The following GRIK1 variants were observed in gnomAD, a reference collection of about 807,000 sequenced individuals.
GRIK1 encodes glutamate ionotropic receptor kainate type subunit 1, also known as glutamate receptor ionotropic, kainate 1.
A neutral mutation model predicts 105.7 loss-of-function variants in GRIK1; 69 were observed. The observed-to-expected ratio is 0.65, with a 90% CI of 0.54 to 0.80. The LOEUF (loss-of-function observed/expected upper bound fraction) is 0.80, where lower values mean the gene tolerates loss of function less well. Among genes scored for constraint, GRIK1 ranks in the 30% least tolerant of loss-of-function variants. GRIK1 has a pLI of 0.00. For synonymous variants in GRIK1, 438 were observed against 431.3 expected, an observed-to-expected ratio of 1.02 and a Z score of -0.19; for missense variants, 1,109 against 1,167.3, an observed-to-expected ratio of 0.95 and a Z score of 0.73.
intron 1 of GRIK1, among the ~76,000 whole-genome samples, chr21:29,720,455 GAAGTT>G (rs1230044078): frequency 1.3e-5 from 2 of 152,130 alleles, no homozygotes; most frequent in African/African-American, 2.4e-5. Flanking sequence ...TTGTTCGTTT[GAAGTT>G]AAGTGATAGA....
intron 1 of GRIK1, among the ~76,000 whole-genome samples, chr21:29,759,516 G>A (rs563012724): frequency 6.6e-6 from 1 of 152,178 alleles, no homozygotes; most frequent in Non-Finnish European, 1.5e-5. Flanking sequence ...GCCTGGCACA[G>A]CAGTATTTAT....
chr21:29,855,771 G>C (rs754958577), intron 1 of GRIK1, among the ~76,000 whole-genome samples: 1 of 152,168 alleles, frequency 6.6e-6, no homozygotes, highest in Non-Finnish European at 1.5e-5. Context: ...ACCCAGATGA[G>C]AGGATGGTGA....
chr21:29,556,026 T>G (rs2090245535), intron 15 of GRIK1, among the ~76,000 whole-genome samples: 1 of 152,184 alleles, frequency 6.6e-6, no homozygotes, highest in South Asian at 2.1e-4. Context: ...TTCAGTAACT[T>G]TCTCCAGAGA....
In GRIK1 at chr21:29,537,369, G is replaced by A. The variant is rs781133855; in HGVS notation, c.2711C>T (p.Ala904Val). Residue 904 changes from alanine (A) to valine (V), a missense_variant, in exon 18 of 18, where the codon GCT becomes GTT. Physicochemically the swap from Ala to Val is moderately conservative, Grantham distance 64 (BLOSUM62 0). Around this residue, in one of 5 missense-constraint regions of GRIK1, gnomAD observed 161 missense variants for 143.4 expected, o/e 1.12. Transcript: ENST00000327783. ...TGAGATTCCCAGTTCTTCCATGATAGCGTTGAAAGAGAGACACTAGGGAAC... is the reference window on the plus strand; with the variant it reads ...TGAGATTCCCAGTTCTTCCATGATAACGTTGAAAGAGAGACACTAGGGAAC... ...LGVEKCLSFN[A>V]IMEELGISLK... The A allele has an allele frequency of 4.8e-5, 78 of 1,610,102 alleles. No homozygotes were observed. The highest frequency in any genetic ancestry group is 6.4e-5 in the Non-Finnish European group (75 of 1,177,916).
rs116942207 is a variant in GRIK1 at position 29,670,106 on chromosome 21, G to A, written c.726+2877C>T. Among the ~76,000 whole-genome samples the A allele has an allele frequency of 7.2e-5, 11 of 152,234 alleles. No homozygotes were observed. In the East Asian group the frequency reaches 2.1e-3, roughly 29 times the overall value. Reference sequence around the variant, plus strand: ...GCAATTGCCCTTTTACATGCAATACGGTAGGAATTTCATGATAGGACCTTT... The same window carrying A: ...GCAATTGCCCTTTTACATGCAATACAGTAGGAATTTCATGATAGGACCTTT... On this transcript the variant is annotated intron_variant, in intron 4 of 17. Coordinates refer to ENST00000327783, the MANE Select transcript of GRIK1 (RefSeq NM_001330994.2).
At chr21:29,570,534 T>G (rs2090718679) in intron 14 of GRIK1, among the ~76,000 whole-genome samples, 2 of 152,018 alleles carry the variant, frequency 1.3e-5, no homozygotes, top group East Asian at 1.9e-4. Flanking sequence ...AAATAGAGTC[T>G]GTTGAAGTTC....
chr21:29,675,018 A>G (rs1206799331), intron 3 of GRIK1, among the ~76,000 whole-genome samples: 1 of 152,214 alleles, frequency 6.6e-6, no homozygotes, highest in Non-Finnish European at 1.5e-5. Context: ...ATGAAACAAA[A>G]TATAGAACGT....
intron 2 of GRIK1, among the ~76,000 whole-genome samples, chr21:29,691,218 C>A (rs746252341): frequency 6.6e-6 from 1 of 151,882 alleles, no homozygotes; most frequent in Non-Finnish European, 1.5e-5. Flanking sequence ...GGCTGAGGCA[C>A]GAGAATTGCT....
At chr21:29,910,589 G>A (rs2070780106) in intron 1 of GRIK1, among the ~76,000 whole-genome samples, 1 of 152,104 alleles carries the variant, frequency 6.6e-6, no homozygotes, top group Non-Finnish European at 1.5e-5. Flanking sequence ...GGAAATTGAT[G>A]TCTAAATAGC....
At chr21:29,814,369 T>C (rs1456996786) in intron 1 of GRIK1, among the ~76,000 whole-genome samples, 1 of 152,066 alleles carries the variant, frequency 6.6e-6, no homozygotes, top group African/African-American at 2.4e-5. Context: ...ATTTCTTATG[T>C]AACTTAGATG....
At chr21:29,725,872 C>T (rs988331055) in intron 1 of GRIK1, among the ~76,000 whole-genome samples, 1 of 152,148 alleles carries the variant, frequency 6.6e-6, no homozygotes, top group Non-Finnish European at 1.5e-5. Context: ...CGTCTGCCTC[C>T]CACACGCAAA....
chr21:29,577,339 T>A (rs1277787159), intron 13 of GRIK1, among the ~76,000 whole-genome samples, 158 bp from the exon 14 acceptor site: 1 of 152,204 alleles, frequency 6.6e-6, no homozygotes, highest in Non-Finnish European at 1.5e-5. Flanking sequence ...AGCAAAATCT[T>A]AAGGATTATT....
intron 1 of GRIK1, among the ~76,000 whole-genome samples, chr21:29,862,441 A>G (rs1050839142): frequency 1.3e-5 from 2 of 150,692 alleles, no homozygotes; most frequent in Non-Finnish European, 2.9e-5. Flanking sequence ...CTATCAGTGT[A>G]TATTGTCTAA....
intron 1 of GRIK1, among the ~76,000 whole-genome samples, chr21:29,750,230 TTCCCTTCC>T (rs1409792929): frequency 4.3e-5 from 5 of 115,298 alleles, no homozygotes; most frequent in Non-Finnish European, 9.5e-5. Flanking sequence ...CCTCCCTTCC[TTCCCTTCC>T]TCCCTCCCTC....
At chr21:29,620,350 A>G (rs1751517529) in intron 7 of GRIK1, among the ~76,000 whole-genome samples, 1 of 152,214 alleles carries the variant, frequency 6.6e-6, no homozygotes, top group South Asian at 2.1e-4. Context: ...CAAGGTTTAC[A>G]GCAGTTTTAC....
intron 1 of GRIK1, among the ~76,000 whole-genome samples, chr21:29,804,788 G>T (rs767257453): frequency 6.6e-6 from 1 of 152,096 alleles, no homozygotes; most frequent in Non-Finnish European, 1.5e-5. Context: ...AGGTATCTGT[G>T]GGAAGTTAGT....
chr21:29,778,246 T>C (rs1386871486), intron 1 of GRIK1, among the ~76,000 whole-genome samples: 3 of 152,162 alleles, frequency 2.0e-5, no homozygotes, highest in South Asian at 2.1e-4. Flanking sequence ...TTAATGTCTG[T>C]AAGATGAGAG....
chr21:29,919,280 C>T (rs2071109202), intron 1 of GRIK1, among the ~76,000 whole-genome samples: 1 of 152,080 alleles, frequency 6.6e-6, no homozygotes, highest in South Asian at 2.1e-4. Context: ...TAAAAGTCCA[C>T]GGAGGTAAGA....
intron 1 of GRIK1, among the ~76,000 whole-genome samples, chr21:29,855,968 G>A (rs547311214): frequency 1.3e-5 from 2 of 152,238 alleles, no homozygotes; most frequent in South Asian, 4.1e-4. Flanking sequence ...GACTGGAATT[G>A]GGGGGAAACA....
Sources: gnomAD v4.1 joint callset for allele counts (sites outside exome capture counted in the v4.1 genomes callset) on GRCh38, gnomAD v4.1.1 for gene constraint, gnomAD v4.1.1 regional missense constraint, MANE v1.5 for transcripts, NCBI Gene and HGNC (gene_info 2026-07-23, HGNC 2026-07-21) for gene names.